The following LRRC4C variants were observed in gnomAD, a reference collection of about 807,000 sequenced individuals.
The protein encoded by LRRC4C is leucine-rich repeat-containing protein 4C.
A neutral mutation model predicts 33.6 loss-of-function variants in LRRC4C; 5 were observed. The observed-to-expected ratio is 0.15, with a 90% confidence interval of 0.08 to 0.31. The LOEUF is 0.31. Among genes scored for constraint, LRRC4C ranks in the 10% least tolerant of loss-of-function variants. The probability of loss-of-function intolerance (pLI) is 1.00; values close to 1 mark genes in which losing one functional copy is unlikely to be tolerated. For missense variants in LRRC4C, 560 were observed against 796.7 expected (o/e 0.70, Z 3.58); for synonymous variants, 329 against 302.0 (o/e 1.09, Z -0.93).
At chr11:40,701,319 G>A (rs1157339223) in intron 2 of LRRC4C, among the ~76,000 whole-genome samples, 1 of 151,988 alleles carries the variant, frequency 6.6e-6, no homozygotes, top group African/African-American at 2.4e-5. Context: ...GACACACCAT[G>A]TAAAAGAAAT....
At chr11:41,356,838 T>C (rs1389302205) in intron 1 of LRRC4C, among the ~76,000 whole-genome samples, 2 of 152,160 alleles carry the variant, frequency 1.3e-5, no homozygotes, top group African/African-American at 2.4e-5. Flanking sequence ...CATGTGTTTT[T>C]GGAAGTGTTA....
At chr11:40,696,193 G>A (rs1358752034) in intron 2 of LRRC4C, among the ~76,000 whole-genome samples, 1 of 145,194 alleles carries the variant, frequency 6.9e-6, no homozygotes, top group African/African-American at 2.6e-5. Flanking sequence ...TTTGCTACAG[G>A]CACATGAAGT....
At chr11:41,331,565 C>A (rs562490356) in intron 1 of LRRC4C, among the ~76,000 whole-genome samples, 1 of 152,188 alleles carries the variant, frequency 6.6e-6, no homozygotes, top group Non-Finnish European at 1.5e-5. Flanking sequence ...GCACAGTAGA[C>A]ATCTTGCTGT....
rs115685814 is a variant in LRRC4C at position 41,256,221 on chromosome 11, G to T, written c.-496+203210C>A. Among the ~76,000 whole-genome samples the T allele has an allele frequency of 7.6e-3, 1,151 of 151,912 alleles. 26 individuals carry two copies. The highest frequency in any genetic ancestry group is 0.027 in the African/African-American group (1,118 of 41,456). Reference sequence around the variant, plus strand: ...CACTCCCGCATAGCTCAGTCACCCCGGGTGATAACATAACCAAGTATTGTG... The same window carrying T: ...CACTCCCGCATAGCTCAGTCACCCCTGGTGATAACATAACCAAGTATTGTG... On this transcript the variant is annotated intron_variant, in intron 1 of 6. Coordinates refer to ENST00000528697, the MANE Select transcript of LRRC4C (RefSeq NM_001258419.2).
At chr11:41,106,463 C>T (rs1941502021) in intron 1 of LRRC4C, among the ~76,000 whole-genome samples, 1 of 148,766 alleles carries the variant, frequency 6.7e-6, no homozygotes, top group Non-Finnish European at 1.5e-5. Context: ...AAAAAAAAAA[C>T]TCAGAAGCTT....
intron 1 of LRRC4C, among the ~76,000 whole-genome samples, chr11:41,038,384 C>T (rs1857226256): frequency 6.6e-6 from 1 of 152,136 alleles, no homozygotes; most frequent in Admixed American, 6.5e-5. Flanking sequence ...CCAGTTAATC[C>T]TCTTAATTTC....
chr11:41,100,434 G>A (rs887287770), intron 1 of LRRC4C, among the ~76,000 whole-genome samples: 1 of 152,070 alleles, frequency 6.6e-6, no homozygotes, highest in African/African-American at 2.4e-5. Flanking sequence ...GGGAGTGGTG[G>A]CAGGTGCCTG....
chr11:40,289,338 C>A (rs2136543417), intron 4 of LRRC4C, among the ~76,000 whole-genome samples: 1 of 152,236 alleles, frequency 6.6e-6, no homozygotes, highest in East Asian at 1.9e-4. Context: ...TAAAACAATT[C>A]AAAAATTACA....
chr11:41,193,965 G>A (rs1411683423), intron 1 of LRRC4C, among the ~76,000 whole-genome samples: 2 of 151,914 alleles, frequency 1.3e-5, no homozygotes, highest in African/African-American at 4.8e-5. Flanking sequence ...GTGCCTACTG[G>A]TCTTGCCTCC....
rs1453652172 is a variant in LRRC4C at position 40,597,293 on chromosome 11, G to A, written c.-270+50849C>T. On this transcript the variant is annotated intron_variant, in intron 3 of 6. Transcript: ENST00000528697. The stretch of plus-strand genomic sequence containing the variant: ...AAATTAAGCTATAGACAATAGACAA[G>A]TGAATTGACTAATCCAAGATCTCAT... 3.9e-5 allele frequency among the ~76,000 whole-genome samples: 6 copies of A among 152,138 alleles called. No individual in the cohort carries two copies. In the East Asian group the frequency reaches 1.2e-3, roughly 29 times the overall value.
intron 2 of LRRC4C, among the ~76,000 whole-genome samples, chr11:40,883,907 T>TA (rs58481752): frequency 6.6e-6 from 1 of 151,260 alleles, no homozygotes; most frequent in Non-Finnish European, 1.5e-5. Context: ...TTTTTTTTTT[T>TA]AATTTTACTT....
chr11:40,575,698 T>C (rs1958163985), intron 3 of LRRC4C, among the ~76,000 whole-genome samples: 1 of 152,206 alleles, frequency 6.6e-6, no homozygotes, highest in African/African-American at 2.4e-5. Flanking sequence ...TAAGATTTAG[T>C]ATTCCATAAA....
intron 1 of LRRC4C, among the ~76,000 whole-genome samples, chr11:41,123,706 C>A (rs1942591969): frequency 6.6e-6 from 1 of 152,058 alleles, no homozygotes; most frequent in South Asian, 2.1e-4. Context: ...GATTTCTAAG[C>A]CTTTCACAAA....
intron 1 of LRRC4C, among the ~76,000 whole-genome samples, chr11:41,217,813 A>C (rs1947126049): frequency 6.6e-6 from 1 of 152,178 alleles, no homozygotes; most frequent in Non-Finnish European, 1.5e-5. Flanking sequence ...TTGATGTAGC[A>C]ATATTGCACT....
At chr11:41,083,697 T>C (rs1939747464) in intron 1 of LRRC4C, among the ~76,000 whole-genome samples, 1 of 152,146 alleles carries the variant, frequency 6.6e-6, no homozygotes, top group African/African-American at 2.4e-5. Flanking sequence ...AGATGCGGAA[T>C]AAAAACACTG....
chr11:41,135,940 C>T (rs932267107), intron 1 of LRRC4C, among the ~76,000 whole-genome samples: 1 of 150,468 alleles, frequency 6.6e-6, no homozygotes, highest in Non-Finnish European at 1.5e-5. Flanking sequence ...CCCTTTGCAC[C>T]AGTTACAATT....
intron 2 of LRRC4C, among the ~76,000 whole-genome samples, chr11:40,872,706 G>A (rs985866221): frequency 2.6e-5 from 4 of 152,104 alleles, no homozygotes; most frequent in African/African-American, 7.2e-5. Flanking sequence ...GGGATCAAGA[G>A]AGGCCTATGT....
At chr11:40,916,323 T>C (rs1441383423) in intron 2 of LRRC4C, among the ~76,000 whole-genome samples, 1 of 152,088 alleles carries the variant, frequency 6.6e-6, no homozygotes, top group African/African-American at 2.4e-5. Context: ...ATAGACTGGA[T>C]GAAGAAAATG....
At chr11:40,683,251 G>A (rs570781694) in intron 2 of LRRC4C, among the ~76,000 whole-genome samples, 1 of 152,058 alleles carries the variant, frequency 6.6e-6, no homozygotes, top group Non-Finnish European at 1.5e-5. Flanking sequence ...AGGTATGCTC[G>A]GCATCCCTTT....
Sources: gnomAD v4.1 joint callset for allele counts (sites outside exome capture counted in the v4.1 genomes callset) on GRCh38, gnomAD v4.1.1 for gene constraint, MANE v1.5 for transcripts, NCBI Gene and HGNC (gene_info 2026-07-23, HGNC 2026-07-21) for gene names.